TRPV5: variants seen among roughly 807,000 people sequenced by gnomAD.
TRPV5 encodes the protein transient receptor potential cation channel subfamily V member 5, also known as calcium transport protein 2.
Under a neutral mutation model 74.1 loss-of-function variants are expected in TRPV5, and 66 were observed. The observed-to-expected ratio is 0.89, with a 90% CI of 0.73 to 1.09. The LOEUF (loss-of-function observed/expected upper bound fraction) is 1.09. Ranked by LOEUF, TRPV5 falls within the 50% of genes least tolerant of loss-of-function variation. TRPV5 has a pLI of 0.00. For synonymous variants in TRPV5, 399 were observed against 360.7 expected (o/e 1.11, Z -1.20); for missense variants, 936 against 930.4 (o/e 1.01, Z -0.08).
At chr7:142,929,395 C>G in intron 4 of TRPV5, 33 bp downstream of exon 4, 1 of 1,604,506 alleles carries the variant, frequency 6.2e-7, no homozygotes, top group South Asian at 1.1e-5. Flanking sequence ...GCCTCTCCAG[C>G]CAACCATCCT....
rs1372617987 is a variant in TRPV5 at position 142,924,353 on chromosome 7, G to C, written c.1122+1176C>G. On this transcript the variant is annotated intron_variant, in intron 8 of 14. Coordinates refer to ENST00000265310, the MANE Select transcript of TRPV5 (RefSeq NM_019841.7). Reference sequence around the variant, plus strand: ...ATATATATACATATATATATATATAGACATATACATGTATATATATACATA... The same window carrying C: ...ATATATATACATATATATATATATACACATATACATGTATATATATACATA... Among the ~76,000 whole-genome samples the C allele has an allele frequency of 4.0e-3, 58 of 14,582 alleles. 17 individuals carry two copies. The highest frequency in any genetic ancestry group is 0.018 in the South Asian group (2 of 112). The allele number at this position is 14,582 out of a possible 152,430, so 9.6% of individuals were successfully genotyped here.
chr7:142,929,373 T>A, intron 4 of TRPV5, 55 bp downstream of exon 4: 5 of 1,593,568 alleles, frequency 3.1e-6, no homozygotes, highest in Non-Finnish European at 4.3e-6. Flanking sequence ...CTGGCCTCCC[T>A]CTGCCTTGCC....
At chr7:142,923,513 C>A (rs1298004205) in intron 8 of TRPV5, among the ~76,000 whole-genome samples, 2 of 152,046 alleles carry the variant, frequency 1.3e-5, no homozygotes, top group Non-Finnish European at 2.9e-5. Flanking sequence ...GTTATCTAAC[C>A]CCTTCCAGCA....
At position 142,925,564 on chromosome 7, in the gene TRPV5, G is replaced by C. The variant is rs760779120; in HGVS notation, c.1087C>G (p.Arg363Gly). 5 of 1,614,152 alleles carry C rather than the reference G, an allele frequency of 3.1e-6. No homozygotes were observed. The East Asian group carries it at 6.7e-5, about 22-fold the overall frequency. ...TTTTGCTGGAGGATGGTGATGTCTC[G>C]AGAATGAGTGCGGTTGCCACCACGA... ...KFRGGNRTHS[R>G]DITILQQKLL... is the part of the protein sequence containing the mutation. The change falls in exon 8 of 15, where the codon CGA becomes GGA. Residue 363 changes from arginine to glycine, a missense_variant. Coordinates refer to ENST00000265310, the MANE Select transcript of TRPV5 (RefSeq NM_019841.7).
Position 142,909,489 on chromosome 7 carries a change from C to T in TRPV5, c.1895+1G>A. 1 of 1,613,870 alleles carries T rather than the reference C, an allele frequency of 6.2e-7. No individual in the cohort carries two copies. ...TTTTGCATGTGCACACCATCACTCA[C>T]CGCAGGAACCAGCGGTCCCCCAGCC... On this transcript the variant is annotated splice_donor_variant, in intron 14 of 14. Transcript: ENST00000265310. LOFTEE classifies it high-confidence loss of function.
Position 142,915,583 on chromosome 7 carries a change from T to C in TRPV5, c.1123-15A>G, listed in dbSNP as rs745449939. 6.2e-7 allele frequency: 1 copy of C among 1,613,112 alleles called. No individual in the cohort carries two copies. The highest frequency in any genetic ancestry group is 1.1e-5 in the South Asian group (1 of 91,034). On this transcript the variant is annotated splice_polypyrimidine_tract_variant and intron_variant, in intron 8 of 14. Transcript: ENST00000265310. ...TCATAGGCCTCCTATGTGGGGAAAT[T>C]CAGAAGAAGTGCTTTCTGATGGGCA... is the stretch of plus-strand genomic sequence containing the variant.
chr7:142,915,490 G>T lies in TRPV5; in HGVS notation c.1201C>A (p.Leu401Ile), dbSNP rs745314200. ...VSIVGAVIILLLEIPDIFRVG... is the reference protein window; with the variant it reads ...VSIVGAVIILILEIPDIFRVG... ...CCCCGCCTGCCCCTCACCTCTAGGA[G>T]CAGGATGATCACAGCCCCAACGATG... Residue 401 changes from leucine (L) to isoleucine (I), a missense_variant, in exon 9 of 15, where the codon CTC becomes ATC. Leu to Ile is a conservative substitution (Grantham distance 5). Coordinates refer to ENST00000265310, the MANE Select transcript of TRPV5 (RefSeq NM_019841.7). The T allele has an allele frequency of 1.2e-6, 2 of 1,614,020 alleles. No individual in the cohort carries two copies. The highest frequency in any genetic ancestry group is 1.7e-5 in the Admixed American group (1 of 59,998).
chr7:142,930,575 G>C (rs1471235614), intron 1 of TRPV5, 129 bp from the exon 2 acceptor site: 7 of 736,338 alleles, frequency 9.5e-6, no homozygotes, highest in Non-Finnish European at 1.7e-5. Context: ...TTGGAAAGAA[G>C]TGCCTACTGG....
rs754669317 is a variant in TRPV5 at position 142,908,519 on chromosome 7, A to C, written c.2185T>G (p.Phe729Val). 2 of 1,613,734 alleles carry C rather than the reference A, an allele frequency of 1.2e-6. No homozygotes were observed. Among genetic ancestry groups the C allele is most frequent in the Non-Finnish European group, 1.7e-6 (2 of 1,179,648 alleles). Residue 729 changes from phenylalanine (F) to valine (V), a missense_variant, in exon 15 of 15, where the codon TTT (phenylalanine) becomes GTT (valine). Coordinates refer to ENST00000265310, the MANE Select transcript of TRPV5 (RefSeq NM_019841.7). ...SEGDGEEVYH[F>V] The stretch of plus-strand genomic sequence containing the variant: ...AAGAGTGATAGCGATGTTAATCAAA[A>C]ATGGTAGACCTCCTCTCCATCCCCC...
chr7:142,909,543 A>C lies in TRPV5; in HGVS notation c.1842T>G (p.Pro614=). ...LERKLPRCLW[P]RSGICGCEFG... ...ATTCGCACCCACAGATCCCGGAGCGAGGCCACAGGCAGCGAGGCAGCTTCC... is the reference window on the plus strand; with the variant it reads ...ATTCGCACCCACAGATCCCGGAGCGCGGCCACAGGCAGCGAGGCAGCTTCC... Residue 614 remains proline (P), a synonymous_variant, in exon 14 of 15, where the codon CCT becomes CCG. Coordinates refer to ENST00000265310, the MANE Select transcript of TRPV5 (RefSeq NM_019841.7). 1 of 1,614,144 alleles carries C rather than the reference A, an allele frequency of 6.2e-7. No homozygotes were observed. The highest frequency in any genetic ancestry group is 8.5e-7 in the Non-Finnish European group (1 of 1,180,042).
intron 8 of TRPV5, among the ~76,000 whole-genome samples, chr7:142,923,805 A>G (rs1795922855): frequency 6.6e-6 from 1 of 152,176 alleles, no homozygotes; most frequent in African/African-American, 2.4e-5. Flanking sequence ...CCCTGTCCCA[A>G]AGAGAAAGAG....
In TRPV5 at chr7:142,908,682, C is replaced by A. The variant is rs1795653629; in HGVS notation, c.2022G>T (p.Gly674=). The change falls in exon 15 of 15, where the codon GGG becomes GGT. Residue 674 remains glycine (G), a synonymous_variant. Transcript: ENST00000265310. The part of the protein sequence containing the change: ...SEKQPSGAES[G]TLARASLALP... ...GAGCCAAAGAGGCTCTGGCTAGAGT[C>A]CCACTCTCAGCCCCAGAGGGCTGTT... 1.9e-6 allele frequency: 3 copies of A among 1,614,108 alleles called. No homozygotes were observed. The highest frequency in any genetic ancestry group is 1.7e-6 in the Non-Finnish European group (2 of 1,180,038).
Position 142,908,580 on chromosome 7 carries a change from G to C in TRPV5, c.2124C>G (p.Thr708=). 1 of 1,614,214 alleles carries C rather than the reference G, an allele frequency of 6.2e-7. No homozygotes were observed. The change falls in exon 15 of 15, where the codon ACC becomes ACG. Residue 708 remains threonine (T), a synonymous_variant. Coordinates refer to ENST00000265310, the MANE Select transcript of TRPV5 (RefSeq NM_019841.7). The part of the protein sequence containing the change: ...HRGWEILRQN[T]LGHLNLGLNL... ...TCAGTCCAAGATTCAAGTGCCCCAGGGTGTTTTGACGAAGGATCTCCCAGC... is the reference window on the plus strand; with the variant it reads ...TCAGTCCAAGATTCAAGTGCCCCAGCGTGTTTTGACGAAGGATCTCCCAGC...
chr7:142,911,388 C>T (rs930744816), intron 13 of TRPV5, among the ~76,000 whole-genome samples: 6 of 152,190 alleles, frequency 3.9e-5, no homozygotes, highest in African/African-American at 1.4e-4. Flanking sequence ...GGTTTTCTGT[C>T]CCTGTAGCCA....
At chr7:142,925,420 C>T in intron 8 of TRPV5, 109 bp downstream of exon 8, 1 of 1,176,910 alleles carries the variant, frequency 8.5e-7, no homozygotes, top group Non-Finnish European at 1.2e-6. Flanking sequence ...TAGGAGCCTA[C>T]ACCTGCTGGA....
rs1162089497 is a variant in TRPV5 at position 142,914,943 on chromosome 7, T to G, written c.1390A>C (p.Ser464Arg). ...MSFALVLGWC[S>R]VMYFTRGFQM... is the part of the protein sequence containing the mutation. ...AATCCTCGAGTGAAATACATGACACTGCACCAGCCCAGCACCAGGGCAAAG... is the reference window on the plus strand; with the variant it reads ...AATCCTCGAGTGAAATACATGACACGGCACCAGCCCAGCACCAGGGCAAAG... Residue 464 changes from serine to arginine, a missense_variant, in exon 11 of 15, where the codon AGT (serine) becomes CGT (arginine). Coordinates refer to ENST00000265310, the MANE Select transcript of TRPV5 (RefSeq NM_019841.7). 2 of 1,614,114 alleles carry G rather than the reference T, an allele frequency of 1.2e-6. No individual in the cohort carries two copies. Among genetic ancestry groups the G allele is most frequent in the South Asian group, 2.2e-5 (2 of 91,074 alleles).
chr7:142,914,314 G>T (rs915819009), intron 12 of TRPV5, among the ~76,000 whole-genome samples: 9 of 152,088 alleles, frequency 5.9e-5, no homozygotes, highest in Non-Finnish European at 1.3e-4. Flanking sequence ...TCCATGACTG[G>T]CCAGTCTTTC....
intron 12 of TRPV5, 24 bp downstream of exon 12, chr7:142,914,616 G>T: frequency 6.2e-7 from 1 of 1,605,098 alleles, no homozygotes; most frequent in Non-Finnish European, 8.5e-7. Flanking sequence ...TGCTGATCTA[G>T]TAGAGGAGTG....
intron 1 of TRPV5, among the ~76,000 whole-genome samples, chr7:142,930,647 CAT>C (rs1796074384): frequency 6.6e-6 from 1 of 152,250 alleles, no homozygotes; most frequent in Non-Finnish European, 1.5e-5. Flanking sequence ...TTGCAATTCA[CAT>C]CATGGTGATT....
Sources: gnomAD v4.1 joint callset for allele counts (sites outside exome capture counted in the v4.1 genomes callset) on GRCh38, gnomAD v4.1.1 for gene constraint, MANE v1.5 for transcripts, NCBI Gene and HGNC (gene_info 2026-07-23, HGNC 2026-07-21) for gene names.